The following XNDC1N variants were observed in gnomAD, a reference collection of about 807,000 sequenced individuals.
XNDC1N encodes protein XNDC1N.
chr11:71,918,545 G>T, the XNDC1N span, among the ~76,000 whole-genome samples: 1 of 152,200 alleles, frequency 6.6e-6, no homozygotes, highest in East Asian at 1.9e-4. Context: ...GCCTCCCAAA[G>T]TGTTGGGATT....
At chr11:71,918,790 C>A in the XNDC1N span, 1 of 653,396 alleles carries the variant, frequency 1.5e-6, no homozygotes, top group Non-Finnish European at 2.8e-6. Context: ...AAAGGCTGCT[C>A]AGCCAGAATG....
At chr11:71,895,380 G>T in the XNDC1N span, among the ~76,000 whole-genome samples, 4 of 151,776 alleles carry the variant, frequency 2.6e-5, no homozygotes, top group African/African-American at 7.3e-5. Flanking sequence ...CACGGTCTCG[G>T]CTCACTGCAA....
chr11:71,887,830 C>G, the XNDC1N span, among the ~76,000 whole-genome samples: 15 of 152,084 alleles, frequency 9.9e-5, no homozygotes, highest in African/African-American at 3.4e-4. Flanking sequence ...TGTTGGGGTT[C>G]CCGCCAGCTG....
At chr11:71,893,256 G>T in the XNDC1N span, among the ~76,000 whole-genome samples, 1 of 152,184 alleles carries the variant, frequency 6.6e-6, no homozygotes, top group African/African-American at 2.4e-5. Context: ...CTCTAAAGTA[G>T]TATGAACAGA....
At chr11:71,896,120 A>C in the XNDC1N span, among the ~76,000 whole-genome samples, 6 of 152,190 alleles carry the variant, frequency 3.9e-5, no homozygotes, top group African/African-American at 1.4e-4. Context: ...TCCACGGTAA[A>C]CACAAAAAAT....
the XNDC1N span, among the ~76,000 whole-genome samples, chr11:71,885,958 T>C: frequency 6.6e-6 from 1 of 152,008 alleles, no homozygotes; most frequent in African/African-American, 2.4e-5. Flanking sequence ...ATATTATGGG[T>C]TATTAATATT....
the XNDC1N span, among the ~76,000 whole-genome samples, chr11:71,891,103 C>T: frequency 3.3e-5 from 5 of 151,904 alleles, no homozygotes; most frequent in Admixed American, 6.6e-5. Flanking sequence ...CTCTCCCTCC[C>T]AGGGTATTCA....
At chr11:71,914,453 G>C in the XNDC1N span, 1 of 446,892 alleles carries the variant, frequency 2.2e-6, no homozygotes, top group Non-Finnish European at 4.5e-6. Flanking sequence ...TTGGATGGCT[G>C]AGGCGGGTGG....
the XNDC1N span, chr11:71,927,515 C>T: frequency 6.7e-6 from 1 of 150,236 alleles, no homozygotes; most frequent in Non-Finnish European, 1.5e-5. Flanking sequence ...AGCGAGACAC[C>T]GTTTCAAAGA....
the XNDC1N span, among the ~76,000 whole-genome samples, chr11:71,925,009 T>A: frequency 6.6e-6 from 1 of 151,982 alleles, no homozygotes. Context: ...AAAACTTTTT[T>A]TCCCTTTTCT....
the XNDC1N span, chr11:71,917,771 A>C: frequency 1.0e-5 from 7 of 703,362 alleles, no homozygotes; most frequent in Non-Finnish European, 1.8e-5. Context: ...GCACAGCCAC[A>C]GTTACCTGGG....
chr11:71,918,943 C>A, the XNDC1N span: 1 of 702,952 alleles, frequency 1.4e-6, no homozygotes, highest in Non-Finnish European at 2.6e-6. Flanking sequence ...CTTTCAATTG[C>A]CCACTCTTGT....
the XNDC1N span, among the ~76,000 whole-genome samples, chr11:71,922,283 T>G: frequency 6.6e-6 from 1 of 152,106 alleles, no homozygotes; most frequent in African/African-American, 2.4e-5. Context: ...AAAGATCCTC[T>G]AAGGGTTTTT....
chr11:71,912,854 A>G, the XNDC1N span, among the ~76,000 whole-genome samples: 4 of 152,128 alleles, frequency 2.6e-5, no homozygotes, highest in Admixed American at 2.6e-4. Flanking sequence ...TATTGAGAGT[A>G]GTATCATCCT....
At chr11:71,924,464 G>A in the XNDC1N span, among the ~76,000 whole-genome samples, 1 of 152,112 alleles carries the variant, frequency 6.6e-6, no homozygotes, top group African/African-American at 2.4e-5. Context: ...GGATCACGAG[G>A]TCAGGAGATT....
At chr11:71,898,289 G>T in the XNDC1N span, among the ~76,000 whole-genome samples, 1 of 151,686 alleles carries the variant, frequency 6.6e-6, no homozygotes, top group Non-Finnish European at 1.5e-5. Context: ...AGACATTATC[G>T]TCAGTGAAAT....
chr11:71,884,442 G>T, the XNDC1N span: 2 of 1,605,600 alleles, frequency 1.2e-6, no homozygotes, highest in East Asian at 2.2e-5. Flanking sequence ...ATGTCCTTCA[G>T]AATATTATCA....
the XNDC1N span, among the ~76,000 whole-genome samples, chr11:71,891,840 G>T: frequency 6.6e-6 from 1 of 151,892 alleles, no homozygotes; most frequent in Non-Finnish European, 1.5e-5. Context: ...GGGAGTCATG[G>T]TTACTCTTTC....
the XNDC1N span, among the ~76,000 whole-genome samples, chr11:71,912,963 T>C: frequency 1.3e-5 from 2 of 152,086 alleles, no homozygotes; most frequent in Non-Finnish European, 2.9e-5. Flanking sequence ...CTCTGTGATA[T>C]TGGGAGTGAA....
Sources: allele counts gnomAD v4.1 joint callset (sites outside exome capture counted in the v4.1 genomes callset), GRCh38; gene constraint gnomAD v4.1.1; transcripts MANE v1.5; gene names NCBI Gene and HGNC (gene_info 2026-07-23, HGNC 2026-07-21).